NALF1: variants seen among roughly 807,000 people sequenced by gnomAD.
NALF1 encodes NALCN channel auxiliary factor 1, also known as family with sequence similarity 155 member A.
In NALF1, 3 loss-of-function variants were observed where a neutral mutation model predicts 48.4. The ratio of observed to expected loss-of-function variants is 0.06; its 90% CI spans 0.03 to 0.16. The LOEUF (loss-of-function observed/expected upper bound fraction) is 0.16. Among genes scored for constraint, NALF1 ranks in the 10% least tolerant of loss-of-function variants. The probability of loss-of-function intolerance (pLI) is 1.00; values close to 1 mark genes in which losing one functional copy is unlikely to be tolerated. For missense variants in NALF1, 526 were observed against 571.5 expected (o/e 0.92, Z 0.81); for synonymous variants, 262 against 245.7 (o/e 1.07, Z -0.62).
chr13:107,246,511 T>G (rs989206751), intron 1 of NALF1, among the ~76,000 whole-genome samples: 1 of 152,202 alleles, frequency 6.6e-6, no homozygotes, highest in Non-Finnish European at 1.5e-5. Context: ...TTAAAAAAAG[T>G]CTTTTTCTGT....
At chr13:107,865,358 T>C (rs1401493520) in intron 1 of NALF1, among the ~76,000 whole-genome samples, 1 of 152,166 alleles carries the variant, frequency 6.6e-6, no homozygotes, top group Non-Finnish European at 1.5e-5. Flanking sequence ...CAAGACTTTT[T>C]CAACTTCCTT....
At chr13:107,438,680 G>T (rs537834100) in intron 1 of NALF1, among the ~76,000 whole-genome samples, 2 of 151,524 alleles carry the variant, frequency 1.3e-5, no homozygotes, top group Non-Finnish European at 2.9e-5. Flanking sequence ...AACCAGCCAG[G>T]TGTGGTTGGT....
In NALF1 at chr13:107,380,082, T is replaced by A. The variant is rs567300143; in HGVS notation, c.916-169327A>T. Among the ~76,000 whole-genome samples, 1,008 of 152,342 alleles carry A rather than the reference T, an allele frequency of 6.6e-3. 7 individuals are homozygous for A. Among genetic ancestry groups the A allele is most frequent in the Non-Finnish European group, 0.012 (847 of 68,028 alleles). ...TGGGCTGATATGGCTCCTTTTTTTT[T>A]CTATGATACGGGAAAAGTAATAGCA... On this transcript the variant is annotated intron_variant, in intron 1 of 2. Transcript: ENST00000375915.
At chr13:107,667,426 C>A (rs942122345) in intron 1 of NALF1, among the ~76,000 whole-genome samples, 2 of 151,946 alleles carry the variant, frequency 1.3e-5, no homozygotes, top group African/African-American at 4.8e-5. Flanking sequence ...GGAAAAGAGG[C>A]CCCCAAATCA....
chr13:107,601,746 C>A (rs955396525), intron 1 of NALF1, among the ~76,000 whole-genome samples: 1 of 151,522 alleles, frequency 6.6e-6, no homozygotes, highest in Admixed American at 6.6e-5. Flanking sequence ...ACAAAACACA[C>A]ACACACACAA....
At chr13:107,446,230 C>T (rs893929973) in intron 1 of NALF1, among the ~76,000 whole-genome samples, 2 of 152,162 alleles carry the variant, frequency 1.3e-5, no homozygotes, top group Non-Finnish European at 2.9e-5. Flanking sequence ...AGCCACTGCG[C>T]CCGGCTCACA....
chr13:107,310,382 C>T (rs1882021179), intron 1 of NALF1, among the ~76,000 whole-genome samples: 1 of 149,714 alleles, frequency 6.7e-6, no homozygotes, highest in South Asian at 2.1e-4. Flanking sequence ...TGCACTCCAG[C>T]CAGGGAGACA....
At chr13:107,311,774 C>T (rs1471293915) in intron 1 of NALF1, among the ~76,000 whole-genome samples, 1 of 152,142 alleles carries the variant, frequency 6.6e-6, no homozygotes, top group African/African-American at 2.4e-5. Context: ...TATGAACAGA[C>T]ACTTCTCAAA....
chr13:107,845,389 T>C (rs998877266), intron 1 of NALF1, among the ~76,000 whole-genome samples: 1 of 152,170 alleles, frequency 6.6e-6, no homozygotes, highest in African/African-American at 2.4e-5. Flanking sequence ...GTCTACCTGA[T>C]GATAAGGAAT....
At chr13:107,811,564 G>T (rs1878992677) in intron 1 of NALF1, among the ~76,000 whole-genome samples, 1 of 152,144 alleles carries the variant, frequency 6.6e-6, no homozygotes, top group Non-Finnish European at 1.5e-5. Flanking sequence ...GCCCCCTAAA[G>T]TATGTGTTTG....
chr13:107,198,052 GA>G (rs1879430419), intron 2 of NALF1, among the ~76,000 whole-genome samples: 1 of 152,132 alleles, frequency 6.6e-6, no homozygotes, highest in Admixed American at 6.6e-5. Flanking sequence ...TCAAATGGAA[GA>G]AAATTTTCCT....
chr13:107,321,601 A>T (rs1298062462), intron 1 of NALF1, among the ~76,000 whole-genome samples: 1 of 152,112 alleles, frequency 6.6e-6, no homozygotes, highest in Non-Finnish European at 1.5e-5. Context: ...CATGGTAAAA[A>T]GTTGCACTCA....
At chr13:107,828,587 C>CTATCTATCTA (rs1555328449) in intron 1 of NALF1, among the ~76,000 whole-genome samples, 2 of 42,584 alleles carry the variant, frequency 4.7e-5, no homozygotes, top group Non-Finnish European at 1.8e-4. Context: ...ATCTATCTAT[C>CTATCTATCTA]TATCTATATC....
chr13:107,598,378 T>C (rs1427170053), intron 1 of NALF1, among the ~76,000 whole-genome samples: 1 of 152,342 alleles, frequency 6.6e-6, no homozygotes, highest in East Asian at 1.9e-4. Flanking sequence ...TGTTTTTAAG[T>C]AATCACTGTC....
At chr13:107,620,991 T>TGC (rs2138440539) in intron 1 of NALF1, among the ~76,000 whole-genome samples, 1 of 149,618 alleles carries the variant, frequency 6.7e-6, no homozygotes, top group African/African-American at 2.4e-5. Flanking sequence ...AGTGTGTGCG[T>TGC]GTGTGTGTGT....
At chr13:107,536,171 G>A (rs1317639621) in intron 1 of NALF1, among the ~76,000 whole-genome samples, 1 of 152,116 alleles carries the variant, frequency 6.6e-6, no homozygotes, top group Non-Finnish European at 1.5e-5. Context: ...GCATGGGCAA[G>A]GACTTCACGT....
At chr13:107,527,797 C>T (rs866233879) in intron 1 of NALF1, among the ~76,000 whole-genome samples, 27 of 152,216 alleles carry the variant, frequency 1.8e-4, no homozygotes, top group Admixed American at 2.6e-4. Flanking sequence ...CCATGTAAGA[C>T]GTACCTTTCT....
At chr13:107,450,197 T>A (rs898407505) in intron 1 of NALF1, among the ~76,000 whole-genome samples, 1 of 150,838 alleles carries the variant, frequency 6.6e-6, no homozygotes, top group African/African-American at 2.4e-5. Flanking sequence ...AGGGGAAGAG[T>A]GGCCAGAAGC....
At chr13:107,772,210 A>G (rs1877600381) in intron 1 of NALF1, among the ~76,000 whole-genome samples, 1 of 152,126 alleles carries the variant, frequency 6.6e-6, no homozygotes, top group African/African-American at 2.4e-5. Context: ...TCTACGGAGT[A>G]GCTACACTTT....
Sources: allele counts gnomAD v4.1 joint callset (sites outside exome capture counted in the v4.1 genomes callset), GRCh38; gene constraint gnomAD v4.1.1; transcripts MANE v1.5; gene names NCBI Gene and HGNC (gene_info 2026-07-23, HGNC 2026-07-21).